Variants in GYG1 observed in about 807,000 individuals in gnomAD.
GYG1 encodes the protein glycogenin-1.
Under a neutral mutation model 41.9 loss-of-function variants are expected in GYG1, and 44 were observed. That is an observed-to-expected ratio of 1.05 (90% CI 0.83 to 1.35). The LOEUF (loss-of-function observed/expected upper bound fraction) is 1.35. GYG1 is among the 40% of genes most tolerant of loss of function. The pLI, the probability that GYG1 is intolerant of heterozygous loss-of-function variation, is 0.00. For missense variants in GYG1, 429 were observed against 418.9 expected (o/e 1.02, Z -0.21); for synonymous variants, 141 against 158.1 (o/e 0.89, Z 0.81).
intron 6 of GYG1, among the ~76,000 whole-genome samples, chr3:149,024,623 C>T (rs2107922474): frequency 6.6e-6 from 1 of 152,286 alleles, no homozygotes; most frequent in Admixed American, 6.5e-5. Context: ...TTAGGAACTG[C>T]AAACATTTAG....
rs758659562 is a variant in GYG1, at chr3:149,026,869, C to A, written c.989C>A (p.Ala330Asp). 1.9e-6 allele frequency: 3 copies of A among 1,613,616 alleles called. No homozygotes were observed. Among genetic ancestry groups the A allele is most frequent in the African/African-American group, 1.3e-5 (1 of 74,926 alleles). ...ERKERWEQGQ[A>D]DYMGADSFDN... is the part of the protein sequence containing the mutation. Reference sequence around the variant, plus strand: ...AAGGAACGATGGGAACAGGGCCAGGCTGATTATATGGGAGCAGATTCCTTT... The same window carrying A: ...AAGGAACGATGGGAACAGGGCCAGGATGATTATATGGGAGCAGATTCCTTT... The change falls in exon 8 of 8, where the codon GCT (alanine) becomes GAT (aspartate). Residue 330 changes from alanine to aspartate, a missense_variant. Physicochemically the swap from Ala to Asp is moderately radical, Grantham distance 126. Coordinates refer to ENST00000345003, the MANE Select transcript of GYG1 (RefSeq NM_004130.4).
chr3:149,010,624 G>A (rs1271062450), intron 5 of GYG1, among the ~76,000 whole-genome samples: 2 of 152,162 alleles, frequency 1.3e-5, no homozygotes, highest in Non-Finnish European at 2.9e-5. Context: ...ACTGCTCCCG[G>A]CCCCTGGTGC....
intron 4 of GYG1, among the ~76,000 whole-genome samples, chr3:149,005,691 G>A (rs928994445): frequency 1.3e-5 from 2 of 152,182 alleles, no homozygotes; most frequent in Non-Finnish European, 2.9e-5. Flanking sequence ...CATAATCTCT[G>A]TTCTTGTGGA....
intron 5 of GYG1, among the ~76,000 whole-genome samples, chr3:149,018,507 T>C (rs1363639265): frequency 6.6e-6 from 1 of 152,154 alleles, no homozygotes; most frequent in Non-Finnish European, 1.5e-5. Flanking sequence ...TATGACTGCC[T>C]TACACAAAGT....
intron 5 of GYG1, among the ~76,000 whole-genome samples, chr3:149,010,262 G>A (rs192489104): frequency 4.9e-4 from 75 of 151,936 alleles, no homozygotes; most frequent in Non-Finnish European, 8.5e-4. Flanking sequence ...CATATAAAGT[G>A]CTCAGTGGAC....
At position 149,009,276 on chromosome 3, in the gene GYG1, G is replaced by T. The variant is rs1363319169; in HGVS notation, c.482G>T (p.Gly161Val). 1.2e-6 allele frequency: 2 copies of T among 1,609,924 alleles called. No homozygotes were observed. The highest frequency in any genetic ancestry group is 1.7e-5 in the Admixed American group (1 of 59,950). ...TAATTTATATATTTTTTTCTTTTAG[G>T]TGGGGACCAAGGCATACTGAACACA... ...HLASEQGSFD[G>V]GDQGILNTFF... The change falls in exon 5 of 8, where the codon GGT becomes GTT. Residue 161 changes from glycine to valine, a missense_variant and splice_region_variant. Gly to Val is a moderately radical substitution (Grantham distance 109). Transcript: ENST00000345003.
chr3:149,028,701 TTAAA>T lies in GYG1; in HGVS notation c.*1770_*1773del, dbSNP rs943781294. Reference sequence around the variant, plus strand: ...CTAAGGTGGAAAAGCTGACATAGTTTTAAATTTTTTTTTTTTTTTTTTTTTTTCT... The same window carrying T: ...CTAAGGTGGAAAAGCTGACATAGTTTTTTTTTTTTTTTTTTTTTTTTTTCT... On this transcript the variant is annotated 3_prime_UTR_variant, in exon 8 of 8. Transcript: ENST00000345003. Among the ~76,000 whole-genome samples the T allele has an allele frequency of 2.0e-5, 3 of 146,784 alleles. No homozygotes were observed. The highest frequency in any genetic ancestry group is 1.4e-4 in the Admixed American group (2 of 14,356).
At chr3:149,009,150 C>G in intron 4 of GYG1, 126 bp from the exon 5 acceptor site, 1 of 687,168 alleles carries the variant, frequency 1.5e-6, no homozygotes, top group Non-Finnish European at 2.4e-6. Context: ...CAGAGCGAGA[C>G]TCCGTCTCAA....
At chr3:149,015,840 T>C (rs1713992164) in intron 5 of GYG1, among the ~76,000 whole-genome samples, 1 of 152,106 alleles carries the variant, frequency 6.6e-6, no homozygotes, top group Admixed American at 6.5e-5. Flanking sequence ...AGCATGTTTT[T>C]GTATTGATAG....
At position 149,031,152 on chromosome 3, in the gene GYG1, A is replaced by G. The variant is rs1205766764; in HGVS notation, c.*4219A>G. On this transcript the variant is annotated 3_prime_UTR_variant, in exon 8 of 8. Transcript: ENST00000345003. ...CAGCAAATAAGTTTGCTTATTAACA[A>G]AAAAGTAAAAAAAAAAGAAAAGAAA... 1 of 152,388 alleles carries G rather than the reference A, an allele frequency of 6.6e-6. No homozygotes were observed. Among genetic ancestry groups the G allele is most frequent in the Non-Finnish European group, 1.5e-5 (1 of 68,030 alleles). 9.4% of individuals were successfully genotyped at this position (152,388 alleles called of 1,614,324 possible).
chr3:148,998,075 G>T (rs1218209775), intron 4 of GYG1, among the ~76,000 whole-genome samples: 2 of 152,202 alleles, frequency 1.3e-5, no homozygotes, highest in Non-Finnish European at 2.9e-5. Context: ...CTATAAGTTT[G>T]TTAGATTGCT....
At chr3:148,991,715 T>G in intron 1 of GYG1, 68 bp downstream of exon 1, 3 of 1,246,332 alleles carry the variant, frequency 2.4e-6, no homozygotes, top group Non-Finnish European at 3.4e-6. Flanking sequence ...CCGCCTCCCT[T>G]CTCCTCCGCC....
rs555605833 is a variant in GYG1, at chr3:149,028,172, G to T, written c.*1239G>T. On this transcript the variant is annotated 3_prime_UTR_variant, in exon 8 of 8. Coordinates refer to ENST00000345003, the MANE Select transcript of GYG1 (RefSeq NM_004130.4). ...AGGAAGAAACTTTAGAGGTTTGATT[G>T]GGCAAAAGCTGCAAAGCTTTTGTGA... Among the ~76,000 whole-genome samples, 9 of 152,192 alleles carry T rather than the reference G, an allele frequency of 5.9e-5. 1 individual carries two copies. Among genetic ancestry groups the T allele is most frequent in the African/African-American group, 2.2e-4 (9 of 41,524 alleles).
chr3:149,018,499 T>C (rs1165224354), intron 5 of GYG1, among the ~76,000 whole-genome samples: 2 of 152,174 alleles, frequency 1.3e-5, no homozygotes, highest in East Asian at 1.9e-4. Context: ...TCTTGTGATA[T>C]GACTGCCTTA....
intron 5 of GYG1, among the ~76,000 whole-genome samples, 179 bp from the exon 6 acceptor site, chr3:149,023,874 T>C (rs1714498251): frequency 7.3e-6 from 1 of 137,232 alleles, no homozygotes; most frequent in Non-Finnish European, 1.6e-5. Context: ...CTCAGGAGGC[T>C]AAGGGTGGGA....
chr3:148,996,999 C>A, intron 4 of GYG1, 95 bp downstream of exon 4: 1 of 961,712 alleles, frequency 1.0e-6, no homozygotes, highest in Non-Finnish European at 1.7e-6. Flanking sequence ...TTTATTCTGC[C>A]TGGAAGATAT....
intron 4 of GYG1, among the ~76,000 whole-genome samples, chr3:149,006,964 A>T (rs190907815): frequency 2.0e-5 from 3 of 152,350 alleles, no homozygotes; most frequent in Admixed American, 2.0e-4. Flanking sequence ...GTCTTAGCCT[A>T]TTCAGGCTGC....
At chr3:148,993,505 C>T (rs1479400512) in intron 1 of GYG1, among the ~76,000 whole-genome samples, 1 of 152,080 alleles carries the variant, frequency 6.6e-6, no homozygotes, top group Non-Finnish European at 1.5e-5. Flanking sequence ...TGTTATTTTT[C>T]AGGGATATTG....
At chr3:149,009,956 A>C (rs779076079) in intron 5 of GYG1, among the ~76,000 whole-genome samples, 16 of 152,092 alleles carry the variant, frequency 1.1e-4, no homozygotes, top group Non-Finnish European at 2.4e-4. Context: ...TTCTGCCTCC[A>C]TGTCTTCATA....
Sources: gnomAD v4.1 joint callset for allele counts (sites outside exome capture counted in the v4.1 genomes callset) on GRCh38, gnomAD v4.1.1 for gene constraint, MANE v1.5 for transcripts, NCBI Gene and HGNC (gene_info 2026-07-23, HGNC 2026-07-21) for gene names.